Variants in PCDH15 observed in about 807,000 individuals in gnomAD.
PCDH15 encodes protocadherin-15.
PCDH15 carries 129 observed loss-of-function variants against 178.5 expected under a neutral mutation model. The observed-to-expected ratio is 0.72, with a 90% CI of 0.63 to 0.84. The LOEUF is 0.84. Among genes scored for constraint, PCDH15 ranks in the 40% least tolerant of loss-of-function variants. The pLI, the probability that PCDH15 is intolerant of heterozygous loss-of-function variation, is 0.00. For synonymous variants in PCDH15, 800 were observed against 732.0 expected (o/e 1.09, Z -1.50); for missense variants, 2,230 against 2,099.9 (o/e 1.06, Z -1.21).
intron 20 of PCDH15, among the ~76,000 whole-genome samples, chr10:54,009,798 G>C (rs1210954067): frequency 1.3e-5 from 2 of 152,132 alleles, no homozygotes; most frequent in Non-Finnish European, 2.9e-5. Flanking sequence ...GGACTCAGGA[G>C]ATCTCCCCCA....
chr10:55,511,391 GAGA>G (rs1452065823), intron 2 of PCDH15, among the ~76,000 whole-genome samples: 2 of 151,966 alleles, frequency 1.3e-5, no homozygotes, highest in Admixed American at 6.6e-5. Flanking sequence ...GACCACCATA[GAGA>G]AGAACACTGA....
chr10:54,769,238 G>T (rs906376321), intron 1 of PCDH15, among the ~76,000 whole-genome samples: 59 of 151,798 alleles, frequency 3.9e-4, no homozygotes, highest in Non-Finnish European at 5.9e-5. Context: ...AAAGTTAACA[G>T]CGACCTGGTG....
intron 35 of PCDH15, among the ~76,000 whole-genome samples, chr10:53,812,461 A>G (rs2075905425): frequency 6.6e-6 from 1 of 151,918 alleles, no homozygotes. Context: ...GATCAGCCCC[A>G]ATCGGCCTCC....
At chr10:55,079,173 T>A (rs968242950) in intron 2 of PCDH15, among the ~76,000 whole-genome samples, 2 of 152,180 alleles carry the variant, frequency 1.3e-5, no homozygotes, top group Non-Finnish European at 2.9e-5. Flanking sequence ...TTCCTTACTT[T>A]TTATTGTTTT....
At chr10:54,172,066 T>C (rs1658191395) in intron 13 of PCDH15, among the ~76,000 whole-genome samples, 1 of 152,140 alleles carries the variant, frequency 6.6e-6, no homozygotes, top group Admixed American at 6.5e-5. Context: ...ATGTCAGGCC[T>C]CTGAGCTCAA....
At chr10:54,269,448 T>C (rs2057909286) in intron 8 of PCDH15, among the ~76,000 whole-genome samples, 1 of 151,968 alleles carries the variant, frequency 6.6e-6, no homozygotes, top group South Asian at 2.1e-4. Context: ...TGAAAAACAA[T>C]TGAATAGTTA....
intron 3 of PCDH15, among the ~76,000 whole-genome samples, chr10:54,840,589 T>A (rs1953400892): frequency 6.6e-6 from 1 of 151,896 alleles, no homozygotes. Flanking sequence ...AGTCCTTACT[T>A]ATTAATATTT....
chr10:54,544,103 T>C (rs2133040218), intron 2 of PCDH15, among the ~76,000 whole-genome samples: 1 of 152,236 alleles, frequency 6.6e-6, no homozygotes, highest in South Asian at 2.1e-4. Flanking sequence ...CTTGAGAGAA[T>C]AATATCCAAA....
chr10:53,958,012 C>T (rs1397340701), intron 23 of PCDH15, among the ~76,000 whole-genome samples: 1 of 152,046 alleles, frequency 6.6e-6, no homozygotes, highest in Non-Finnish European at 1.5e-5. Flanking sequence ...CTTCTAAACG[C>T]AGCTTTGTAT....
intron 2 of PCDH15, among the ~76,000 whole-genome samples, chr10:55,161,408 C>T (rs1428426662): frequency 6.6e-6 from 1 of 151,994 alleles, no homozygotes; most frequent in Non-Finnish European, 1.5e-5. Flanking sequence ...AGCACACAGG[C>T]CAAATCCAGC....
chr10:55,411,759 G>T (rs1838338511), intron 2 of PCDH15, among the ~76,000 whole-genome samples: 1 of 152,046 alleles, frequency 6.6e-6, no homozygotes, highest in South Asian at 2.1e-4. Context: ...GCAGTAAATT[G>T]TCATTGATTA....
rs532336608 is a variant in PCDH15, at chr10:55,502,109, A to G, written c.-156+125516T>C. On this transcript the variant is annotated intron_variant, in intron 2 of 5. Coordinates refer to the PCDH15 transcript ENST00000613346. ...CTCTCCTAAGTAAAAATTAATTTTA[A>G]GCAGTGACTACCTTACTATTTTTCC... Among the ~76,000 whole-genome samples the G allele has an allele frequency of 7.9e-5, 12 of 151,846 alleles. No individual in the cohort carries two copies. In the East Asian group the frequency reaches 2.3e-3, roughly 30 times the overall value.
At chr10:54,754,721 T>A (rs1301699786) in intron 1 of PCDH15, among the ~76,000 whole-genome samples, 1 of 152,080 alleles carries the variant, frequency 6.6e-6, no homozygotes, top group African/African-American at 2.4e-5. Context: ...ATTTCAGCTT[T>A]TTTCAGAATG....
At chr10:55,289,333 T>C (rs1842951839) in intron 1 of PCDH15, among the ~76,000 whole-genome samples, 1 of 149,488 alleles carries the variant, frequency 6.7e-6, no homozygotes, top group Non-Finnish European at 1.5e-5. Flanking sequence ...GCCTGTTTAA[T>C]AAAATCATCT....
chr10:55,171,381 T>G (rs1424415374), intron 1 of PCDH15, among the ~76,000 whole-genome samples: 2 of 152,198 alleles, frequency 1.3e-5, no homozygotes, highest in African/African-American at 4.8e-5. Context: ...ATCTTTTTCA[T>G]CCAACATTTC....
chr10:55,411,047 T>C (rs781513908), intron 2 of PCDH15, among the ~76,000 whole-genome samples: 1 of 152,028 alleles, frequency 6.6e-6, no homozygotes, highest in Non-Finnish European at 1.5e-5. Flanking sequence ...GAAGGTGGAA[T>C]TGAAGAAAGG....
intron 18 of PCDH15, among the ~76,000 whole-genome samples, chr10:54,026,235 A>C (rs2093087385): frequency 6.6e-6 from 1 of 151,928 alleles, no homozygotes; most frequent in African/African-American, 2.4e-5. Context: ...GGCCTGGCTA[A>C]TTTTTTGTAT....
At chr10:54,068,093 C>T (rs2094172216) in intron 17 of PCDH15, among the ~76,000 whole-genome samples, 1 of 151,976 alleles carries the variant, frequency 6.6e-6, no homozygotes, top group Admixed American at 6.6e-5. Flanking sequence ...AAGACCAAAC[C>T]TCCCTCAAAT....
At position 55,142,784 on chromosome 10, in the gene PCDH15, C is replaced by A. The variant is rs543605758; in HGVS notation, c.-80+23792G>T. Reference sequence around the variant, plus strand: ...TTTCAACCCTCTGAGAAGTATCTTGCCTTCTTTTGGGTAGCTGTCATGCAA... The same window carrying A: ...TTTCAACCCTCTGAGAAGTATCTTGACTTCTTTTGGGTAGCTGTCATGCAA... On this transcript the variant is annotated intron_variant, in intron 2 of 5. Coordinates refer to the PCDH15 transcript ENST00000458638. Among the ~76,000 whole-genome samples the A allele has an allele frequency of 4.0e-5, 6 of 151,588 alleles. No homozygotes were observed. In the South Asian group the frequency reaches 1.3e-3, roughly 32 times the overall value.
Sources: allele counts gnomAD v4.1 joint callset (sites outside exome capture counted in the v4.1 genomes callset), GRCh38; gene constraint gnomAD v4.1.1; transcripts MANE v1.5; gene names NCBI Gene and HGNC (gene_info 2026-07-23, HGNC 2026-07-21).